Variants in CDH8 observed in about 807,000 individuals in gnomAD.
The protein encoded by CDH8 is cadherin 8.
Under a neutral mutation model 68.1 loss-of-function variants are expected in CDH8, and 17 were observed. The ratio of observed to expected loss-of-function variants is 0.25; its 90% CI spans 0.17 to 0.37. The LOEUF is 0.37. CDH8 is among the 10% of genes least tolerant of loss of function. CDH8 has a pLI of 1.00. For synonymous variants in CDH8, 372 were observed against 365.1 expected, an observed-to-expected ratio of 1.02 and a Z score of -0.21; for missense variants, 763 against 999.3, an observed-to-expected ratio of 0.76 and a Z score of 3.19.
At chr16:61,723,552 A>C (rs1012933131) in intron 9 of CDH8, among the ~76,000 whole-genome samples, 1 of 150,744 alleles carries the variant, frequency 6.6e-6, no homozygotes, top group African/African-American at 2.4e-5. Flanking sequence ...ATTTTCTGCA[A>C]TTCTATCATT....
chr16:61,910,871 A>G (rs1212631048), intron 2 of CDH8, among the ~76,000 whole-genome samples: 1 of 152,218 alleles, frequency 6.6e-6, no homozygotes, highest in Non-Finnish European at 1.5e-5. Context: ...AACTTCTTGA[A>G]TTAAATTATC....
chr16:61,876,177 G>C (rs1375068336), intron 3 of CDH8, among the ~76,000 whole-genome samples: 2 of 152,024 alleles, frequency 1.3e-5, no homozygotes, highest in East Asian at 1.9e-4. Context: ...GCCCGGCCAG[G>C]TTTTCTTTCT....
intron 2 of CDH8, among the ~76,000 whole-genome samples, chr16:61,915,951 C>A (rs1487920562): frequency 6.6e-6 from 1 of 152,044 alleles, no homozygotes; most frequent in African/African-American, 2.4e-5. Context: ...CAAATCAGAC[C>A]CTATCAATGG....
chr16:61,893,911 T>C (rs144501981), intron 3 of CDH8, among the ~76,000 whole-genome samples: 36 of 152,340 alleles, frequency 2.4e-4, no homozygotes, highest in African/African-American at 7.9e-4. Context: ...GATAGAATGA[T>C]GGAATTAAGA....
intron 8 of CDH8, among the ~76,000 whole-genome samples, chr16:61,763,378 C>T (rs28505993): frequency 1.3e-5 from 2 of 151,992 alleles, no homozygotes; most frequent in Admixed American, 6.6e-5. Flanking sequence ...ATCTACCACC[C>T]TAGGATTTTC....
In CDH8 at chr16:61,649,704, G is replaced by A. The variant is rs1438721224; in HGVS notation, c.*3904C>T. 3 of 151,956 alleles carry A rather than the reference G, an allele frequency of 2.0e-5. No individual in the cohort carries two copies. 9.4% of individuals were successfully genotyped at this position (151,956 alleles called of 1,614,324 possible). On this transcript the variant is annotated 3_prime_UTR_variant, in exon 12 of 12. Transcript: ENST00000577390. ...AGGTTATACATTCGTGAGATTCCCT[G>A]CAAAGCCAGTGATCGCATAATACAA... is the stretch of plus-strand genomic sequence containing the variant.
intron 10 of CDH8, among the ~76,000 whole-genome samples, chr16:61,700,238 A>G (rs192481079): frequency 6.6e-6 from 1 of 151,352 alleles, no homozygotes; most frequent in Admixed American, 6.6e-5. Flanking sequence ...TACACCCAGT[A>G]GCAGGATTAT....
chr16:61,820,936 C>A lies in CDH8; in HGVS notation c.1013G>T (p.Arg338Met). The A allele has an allele frequency of 4.3e-6, 7 of 1,610,494 alleles. No individual in the cohort carries two copies. Among genetic ancestry groups the A allele is most frequent in the Non-Finnish European group, 5.9e-6 (7 of 1,177,890 alleles). ...SDAQAQDGII[R>M]LRKPLDFETK... ...GCTTCCTTAGCTTACTTTTCTTAGCCTTATAATGCCATCCTGGGCCTGGGC... is the reference window on the plus strand; with the variant it reads ...GCTTCCTTAGCTTACTTTTCTTAGCATTATAATGCCATCCTGGGCCTGGGC... The change falls in exon 6 of 12, where the codon AGG (arginine) becomes ATG (methionine). Residue 338 changes from arginine to methionine, a missense_variant. Around this residue, in one of 2 missense-constraint regions of CDH8, gnomAD observed 366 missense variants for 563.1 expected, o/e 0.65. Coordinates refer to ENST00000577390, the MANE Select transcript of CDH8 (RefSeq NM_001796.5).
At chr16:61,922,213 C>T (rs1964381305) in intron 2 of CDH8, among the ~76,000 whole-genome samples, 1 of 152,074 alleles carries the variant, frequency 6.6e-6, no homozygotes, top group South Asian at 2.1e-4. Flanking sequence ...CCTTTGATAA[C>T]AAATATTAGC....
intron 4 of CDH8, among the ~76,000 whole-genome samples, chr16:61,852,402 T>A (rs187285771): frequency 8.9e-4 from 136 of 152,180 alleles, no homozygotes; most frequent in African/African-American, 3.0e-3. Flanking sequence ...ACCTCTGGAA[T>A]AGGAAGATAT....
chr16:61,801,802 C>T (rs973856802), intron 7 of CDH8, among the ~76,000 whole-genome samples: 1 of 152,364 alleles, frequency 6.6e-6, no homozygotes, highest in African/African-American at 2.4e-5. Flanking sequence ...CCACACCTGG[C>T]TCGGAGGGCC....
At chr16:61,687,325 T>A (rs58430099) in intron 10 of CDH8, among the ~76,000 whole-genome samples, 7 of 151,880 alleles carry the variant, frequency 4.6e-5, no homozygotes, top group Non-Finnish European at 7.4e-5. Flanking sequence ...ACTGTACACA[T>A]ACAGATTTTA....
chr16:61,814,517 G>A (rs565799709), intron 7 of CDH8, among the ~76,000 whole-genome samples: 74 of 152,248 alleles, frequency 4.9e-4, no homozygotes, highest in African/African-American at 9.1e-4. Flanking sequence ...AAATTGAACC[G>A]CGTGAGAAGC....
chr16:61,966,431 G>C (rs1161373019), intron 2 of CDH8, among the ~76,000 whole-genome samples: 1 of 152,012 alleles, frequency 6.6e-6, no homozygotes, highest in Non-Finnish European at 1.5e-5. Context: ...CCAGCTACTT[G>C]GGAGGCTGAG....
intron 2 of CDH8, among the ~76,000 whole-genome samples, chr16:61,945,815 G>T (rs552620517): frequency 1.4e-4 from 22 of 152,154 alleles, no homozygotes; most frequent in Non-Finnish European, 2.4e-4. Context: ...AGGGAACTAG[G>T]CTTTCTAACA....
intron 7 of CDH8, among the ~76,000 whole-genome samples, chr16:61,808,821 A>G (rs1008553000): frequency 6.6e-6 from 1 of 152,184 alleles, no homozygotes; most frequent in Non-Finnish European, 1.5e-5. Flanking sequence ...TGCAGTCCAC[A>G]GTGTTCCCAG....
At position 61,999,482 on chromosome 16, in the gene CDH8, T is replaced by A. The variant is rs141803338; in HGVS notation, c.252+21670A>T. On this transcript the variant is annotated intron_variant, in intron 2 of 11. Transcript: ENST00000577390. ...AATGAAACAAGGCTTTGGAGCTAGA[T>A]AGATGAATGTTAGAGTTCAGCAGAT... 1.8e-4 allele frequency among the ~76,000 whole-genome samples: 27 copies of A among 152,274 alleles called. No individual in the cohort carries two copies. The East Asian group carries it at 5.2e-3, about 29-fold the overall frequency.
chr16:61,893,282 T>G (rs1264790884), intron 3 of CDH8, among the ~76,000 whole-genome samples: 1 of 152,150 alleles, frequency 6.6e-6, no homozygotes, highest in Non-Finnish European at 1.5e-5. Context: ...TCAACTCCAG[T>G]GTGACCTCAA....
intron 4 of CDH8, among the ~76,000 whole-genome samples, chr16:61,832,331 AATAG>A (rs35346881): frequency 0.11 from 15,949 of 143,058 alleles, 1,022 homozygotes; most frequent in African/African-American, 0.18. Flanking sequence ...ACAGATAGAT[AATAG>A]ATAGATAGAT....
Sources: allele counts gnomAD v4.1 joint callset (sites outside exome capture counted in the v4.1 genomes callset), GRCh38; gene constraint gnomAD v4.1.1; regional missense constraint gnomAD v4.1.1; transcripts MANE v1.5; gene names NCBI Gene and HGNC (gene_info 2026-07-23, HGNC 2026-07-21).